The following KDM2B variants were observed in gnomAD, a reference collection of about 807,000 sequenced individuals.
KDM2B encodes lysine-specific demethylase 2B.
Under a neutral mutation model 150.0 loss-of-function variants are expected in KDM2B, and 26 were observed. The observed-to-expected ratio is 0.17, with a 90% CI of 0.13 to 0.24. KDM2B has a LOEUF of 0.24. Ranked by LOEUF, KDM2B falls within the 10% of genes least tolerant of loss-of-function variation. KDM2B has a pLI of 1.00. For synonymous variants in KDM2B, 734 were observed against 729.5 expected, an observed-to-expected ratio of 1.01 and a Z score of -0.10; for missense variants, 1,265 against 1,816.9, an observed-to-expected ratio of 0.70 and a Z score of 5.52.
chr12:121,414,851 C>T, the KDM2B span, among the ~76,000 whole-genome samples: 10 of 152,056 alleles, frequency 6.6e-5, no homozygotes, highest in Non-Finnish European at 5.9e-5. Context: ...CCCAGCACTT[C>T]GGGAGGCCGA....
At chr12:121,545,432 T>C (rs1845174575) in intron 6 of KDM2B, among the ~76,000 whole-genome samples, 1 of 152,072 alleles carries the variant, frequency 6.6e-6, no homozygotes, top group African/African-American at 2.4e-5. Context: ...ACTTTTTTTT[T>C]TGGTAATTAG....
chr12:121,475,979 T>C (rs1275102070), intron 12 of KDM2B, among the ~76,000 whole-genome samples: 2 of 148,446 alleles, frequency 1.3e-5, no homozygotes, highest in Non-Finnish European at 3.0e-5. Context: ...GCCTGAGCAA[T>C]AGAGTGAGAC....
In KDM2B at chr12:121,452,480, G is replaced by A. The variant is rs891493586; in HGVS notation, c.1959+640C>T. The stretch of plus-strand genomic sequence containing the variant: ...GAGCCTGCTTTTCCACGGGGACTGG[G>A]AGATGACTCCTCCACAGGGAGGACC... On this transcript the variant is annotated intron_variant, in intron 13 of 22. Coordinates refer to ENST00000377071, the MANE Select transcript of KDM2B (RefSeq NM_032590.5). The surrounding 1 kb of genome is among the most constrained non-coding windows in gnomAD (Gnocchi z 4.4). 1.3e-5 allele frequency among the ~76,000 whole-genome samples: 2 copies of A among 152,226 alleles called. No individual in the cohort carries two copies. The highest frequency in any genetic ancestry group is 2.9e-5 in the Non-Finnish European group (2 of 68,036).
chr12:121,567,480 G>A (rs1396959450), intron 4 of KDM2B, among the ~76,000 whole-genome samples: 3 of 152,214 alleles, frequency 2.0e-5, no homozygotes, highest in East Asian at 3.9e-4. Context: ...ATGGCGAGGC[G>A]GGAGGATCAC....
intron 11 of KDM2B, among the ~76,000 whole-genome samples, chr12:121,505,129 A>G (rs1328343617): frequency 5.4e-5 from 8 of 149,464 alleles, no homozygotes; most frequent in South Asian, 2.1e-4. Context: ...AAAAAAAAAA[A>G]AAAAAAATCA....
Position 121,533,012 on chromosome 12 carries a change from A to G in KDM2B, c.778-53T>C. The G allele has an allele frequency of 9.4e-6, 15 of 1,599,152 alleles. No homozygotes were observed. The highest frequency in any genetic ancestry group is 1.2e-5 in the Non-Finnish European group (14 of 1,168,870). ...GGAGACCCAGGCCCAGACAAGACCCAGAGAGAGGGCCCCACCTGCCTGGCG... is the reference window on the plus strand; with the variant it reads ...GGAGACCCAGGCCCAGACAAGACCCGGAGAGAGGGCCCCACCTGCCTGGCG... On this transcript the variant is annotated intron_variant, in intron 7 of 22. Coordinates refer to ENST00000377071, the MANE Select transcript of KDM2B (RefSeq NM_032590.5). This position sits in a 1 kb window ranked among gnomAD's most constrained non-coding sequence, Gnocchi z 4.1.
intron 6 of KDM2B, among the ~76,000 whole-genome samples, chr12:121,542,170 T>C (rs1381475435): frequency 6.6e-6 from 1 of 152,200 alleles, no homozygotes; most frequent in African/African-American, 2.4e-5. Flanking sequence ...CCCACTGCCA[T>C]ATCATGAGGA....
intron 4 of KDM2B, among the ~76,000 whole-genome samples, chr12:121,559,186 T>C (rs79196021): frequency 0.033 from 5,058 of 152,134 alleles, 275 homozygotes; most frequent in African/African-American, 0.11. Context: ...GCTGAAGTCA[T>C]AGGGGGAAGC....
At chr12:121,423,392 AG>A in the KDM2B span, 6 of 1,603,852 alleles carry the variant, frequency 3.7e-6, no homozygotes, top group Non-Finnish European at 5.1e-6. This position sits in a 1 kb window ranked among gnomAD's most constrained non-coding sequence, Gnocchi z 4.3. Context: ...TCAGATGGCG[AG>A]CGGCTGCAGC....
Position 121,563,306 on chromosome 12 carries a change from C to CA in KDM2B, c.397+11240dup, listed in dbSNP as rs557837317. On this transcript the variant is annotated intron_variant, in intron 4 of 22. Transcript: ENST00000377071. ...TGGGCGACAGAGTGAGATGCTGTCT[C>CA]AAAAAAACAAAAAAAGAAGGCCGGG... Among the ~76,000 whole-genome samples, 56 of 150,438 alleles carry CA rather than the reference C, an allele frequency of 3.7e-4. No individual in the cohort carries two copies. The East Asian group carries it at 8.6e-3, about 23-fold the overall frequency.
rs1566267738 is a variant in KDM2B at position 121,443,940 on chromosome 12, C to G, written c.2451+72G>C. On this transcript the variant is annotated intron_variant, in intron 16 of 22. Coordinates refer to ENST00000377071, the MANE Select transcript of KDM2B (RefSeq NM_032590.5). Reference sequence around the variant, plus strand: ...CTCTACCTGCTGCCCACCCCCTGCCCCATCCCTCCAACCCAGCACCCGGGA... The same window carrying G: ...CTCTACCTGCTGCCCACCCCCTGCCGCATCCCTCCAACCCAGCACCCGGGA... 3 of 1,534,294 alleles carry G rather than the reference C, an allele frequency of 2.0e-6. No homozygotes were observed. In the South Asian group the frequency reaches 3.7e-5, roughly 19 times the overall value.
At chr12:121,423,561 C>T in the KDM2B span, 4 of 1,613,328 alleles carry the variant, frequency 2.5e-6, no homozygotes, top group African/African-American at 1.3e-5. The surrounding 1 kb of genome is among the most constrained non-coding windows in gnomAD (Gnocchi z 4.3). Context: ...GAGCCGTGCA[C>T]GTGTTCAAGT....
intron 4 of KDM2B, among the ~76,000 whole-genome samples, chr12:121,552,778 G>A (rs1275935797): frequency 6.6e-6 from 1 of 152,058 alleles, no homozygotes; most frequent in Non-Finnish European, 1.5e-5. Context: ...TTTTGTTTTG[G>A]CGTCTGGAGT....
chr12:121,567,254 T>A (rs1392564559), intron 4 of KDM2B, among the ~76,000 whole-genome samples: 1 of 152,194 alleles, frequency 6.6e-6, no homozygotes, highest in African/African-American at 2.4e-5. Flanking sequence ...ATAGTCTGAA[T>A]TGTGTCTACC....
the KDM2B span, among the ~76,000 whole-genome samples, chr12:121,421,376 AAAAAAAAAAAAAAAAAAAAAAACC>A: frequency 7.1e-6 from 1 of 140,824 alleles, no homozygotes; most frequent in Admixed American, 7.0e-5. Context: ...ATCTCTAAAA[AAAAAAAAAAAAAAAAAAAAAAACC>A]AAAAAAACCT....
rs1405528823 is a variant in KDM2B, at chr12:121,537,554, C to A, written c.684-2964G>T. On this transcript the variant is annotated intron_variant, in intron 6 of 22. Transcript: ENST00000377071. This position sits in a 1 kb window ranked among gnomAD's most constrained non-coding sequence, Gnocchi z 8.7. Reference sequence around the variant, plus strand: ...TCCCGCCTGCCACGGCCGGGCCAGCCGGGGAGGAGGGCGGCAGGAGGGTTG... The same window carrying A: ...TCCCGCCTGCCACGGCCGGGCCAGCAGGGGAGGAGGGCGGCAGGAGGGTTG... The A allele has an allele frequency of 1.3e-5, 2 of 152,236 alleles. No individual in the cohort carries two copies. Among genetic ancestry groups the A allele is most frequent in the African/African-American group, 4.8e-5 (2 of 41,468 alleles). 9.4% of individuals were successfully genotyped at this position (152,236 alleles called of 1,614,324 possible). A position where few individuals can be genotyped will look rare whatever the true frequency, so the allele number is the denominator to read the frequency against.
intron 12 of KDM2B, among the ~76,000 whole-genome samples, chr12:121,493,395 C>A (rs1340173978): frequency 6.6e-6 from 1 of 152,020 alleles, no homozygotes; most frequent in Non-Finnish European, 1.5e-5. Flanking sequence ...CTTGGTATAA[C>A]CCATCTTTAT....
At chr12:121,410,314 G>A in the KDM2B span, among the ~76,000 whole-genome samples, 4 of 151,712 alleles carry the variant, frequency 2.6e-5, no homozygotes, top group Admixed American at 6.6e-5. Flanking sequence ...TGAGGCAGGC[G>A]GATTACGAGG....
the KDM2B span, among the ~76,000 whole-genome samples, chr12:121,408,882 A>C: frequency 6.6e-6 from 1 of 152,210 alleles, no homozygotes; most frequent in South Asian, 2.1e-4. Context: ...AATCAAGGAG[A>C]GCACCAAAGT....
Sources: allele counts gnomAD v4.1 joint callset (sites outside exome capture counted in the v4.1 genomes callset), GRCh38; gene constraint gnomAD v4.1.1; non-coding constraint Gnocchi (gnomAD v3.1); transcripts MANE v1.5; gene names NCBI Gene and HGNC (gene_info 2026-07-23, HGNC 2026-07-21).